The following LRCH1 variants were observed in gnomAD, a reference collection of about 807,000 sequenced individuals.
LRCH1 encodes leucine rich repeats and calponin homology domain containing 1, also known as leucine-rich repeat and calponin homology domain-containing protein 1.
Under a neutral mutation model 94.9 loss-of-function variants are expected in LRCH1, and 23 were observed. The observed-to-expected ratio is 0.24, with a 90% CI of 0.17 to 0.34. The LOEUF (loss-of-function observed/expected upper bound fraction) is 0.34, where lower values mean the gene tolerates loss of function less well. LRCH1 is among the 10% of genes least tolerant of loss of function. The pLI is 1.00. For synonymous variants in LRCH1, 364 were observed against 354.9 expected (o/e 1.03, Z -0.29); for missense variants, 790 against 945.9 (o/e 0.84, Z 2.16).
chr13:46,671,881 G>C (rs190034519), intron 3 of LRCH1, among the ~76,000 whole-genome samples: 2 of 152,294 alleles, frequency 1.3e-5, no homozygotes, highest in Admixed American at 1.3e-4. Context: ...CCCCACCAGA[G>C]TGGTTCATTT....
chr13:46,750,450 C>G (rs1043065990), intron 18 of LRCH1: 3 of 904,186 alleles, frequency 3.3e-6, no homozygotes, highest in Non-Finnish European at 5.3e-6. Flanking sequence ...GAGTATTCAA[C>G]CTAACTTTGA....
intron 1 of LRCH1, among the ~76,000 whole-genome samples, chr13:46,570,704 A>G (rs2050232170): frequency 6.6e-6 from 1 of 152,252 alleles, no homozygotes; most frequent in South Asian, 2.1e-4. Flanking sequence ...CCGGTAGGGA[A>G]GAGTAGTACC....
At chr13:46,601,867 T>C (rs2050632710) in intron 1 of LRCH1, among the ~76,000 whole-genome samples, 1 of 152,190 alleles carries the variant, frequency 6.6e-6, no homozygotes, top group Non-Finnish European at 1.5e-5. Context: ...ACTCTTGATA[T>C]CCAGTGACTG....
downstream of LRCH1, among the ~76,000 whole-genome samples, chr13:46,748,773 T>C (rs188187039): frequency 6.6e-6 from 1 of 152,324 alleles, no homozygotes; most frequent in African/African-American, 2.4e-5. Context: ...AGCAATGACA[T>C]GAAACCATGG....
chr13:46,569,566 A>T (rs1594250488), intron 1 of LRCH1, among the ~76,000 whole-genome samples: 1 of 152,082 alleles, frequency 6.6e-6, no homozygotes, highest in South Asian at 2.1e-4. Flanking sequence ...TTCCTAAATC[A>T]CTGTGATCCT....
chr13:46,602,730 A>C (rs2050641215), intron 1 of LRCH1, among the ~76,000 whole-genome samples: 1 of 152,266 alleles, frequency 6.6e-6, no homozygotes. Context: ...AGTTGGGTGG[A>C]ACACTTGAGC....
intron 3 of LRCH1, among the ~76,000 whole-genome samples, chr13:46,675,121 T>C (rs556082219): frequency 1.3e-5 from 2 of 152,392 alleles, no homozygotes; most frequent in South Asian, 2.1e-4. Context: ...ATTAAAACCT[T>C]GTTAACATAT....
intron 1 of LRCH1, among the ~76,000 whole-genome samples, chr13:46,585,111 T>C (rs747030814): frequency 3.9e-5 from 6 of 152,214 alleles, no homozygotes; most frequent in South Asian, 2.1e-4. Context: ...TGGAAACATT[T>C]CCAGCTTTGA....
chr13:46,637,872 TATTTC>T (rs2051111649), intron 1 of LRCH1, among the ~76,000 whole-genome samples: 1 of 152,266 alleles, frequency 6.6e-6, no homozygotes, highest in Non-Finnish European at 1.5e-5. Flanking sequence ...TGCTTAGAAC[TATTTC>T]TGGCGCATAG....
chr13:46,699,519 C>G (rs903041296), intron 10 of LRCH1, 116 bp downstream of exon 10: 3 of 865,232 alleles, frequency 3.5e-6, no homozygotes, highest in Non-Finnish European at 5.8e-6. Context: ...AGCTGATATT[C>G]TTACAGACAA....
intron 1 of LRCH1, among the ~76,000 whole-genome samples, chr13:46,615,192 T>C (rs930717683): frequency 6.6e-6 from 1 of 152,218 alleles, no homozygotes; most frequent in Non-Finnish European, 1.5e-5. Context: ...TATTGGCTCA[T>C]GGTTCTGCAG....
chr13:46,635,770 C>A (rs1057196674), intron 1 of LRCH1, among the ~76,000 whole-genome samples: 3 of 152,134 alleles, frequency 2.0e-5, no homozygotes, highest in African/African-American at 7.2e-5. Context: ...CGCACCCGGC[C>A]CCCTCCCACC....
chr13:46,554,540 T>C (rs557536690), intron 1 of LRCH1, among the ~76,000 whole-genome samples: 1 of 152,354 alleles, frequency 6.6e-6, no homozygotes, highest in African/African-American at 2.4e-5. Flanking sequence ...GAGCCTGTTT[T>C]CCTGTGTGAG....
intron 3 of LRCH1, among the ~76,000 whole-genome samples, chr13:46,675,050 G>A (rs919910580): frequency 6.6e-6 from 1 of 152,224 alleles, no homozygotes; most frequent in Non-Finnish European, 1.5e-5. Context: ...TTTTGTTACT[G>A]TGGAACCAAG....
rs571441959 is a variant in LRCH1, at chr13:46,577,030, C to T, written c.307+23327C>T. Among the ~76,000 whole-genome samples the T allele has an allele frequency of 2.0e-4, 31 of 152,218 alleles. 2 individuals carry two copies. The South Asian group carries it at 6.2e-3, about 31-fold the overall frequency. ...TTGTGATTGTGGAACTCATGGTGGC[C>T]TTTTTTCTTTCAGGCCAGCAGGAAA... On this transcript the variant is annotated intron_variant, in intron 1 of 19. Coordinates refer to ENST00000389797, the MANE Select transcript of LRCH1 (RefSeq NM_001164211.2).
intron 3 of LRCH1, among the ~76,000 whole-genome samples, chr13:46,674,997 CA>C (rs58144347): frequency 0.067 from 9,993 of 150,074 alleles, 452 homozygotes; most frequent in Middle Eastern, 0.15. Flanking sequence ...GAAAATGTTA[CA>C]AAAAAAAAGG....
intron 10 of LRCH1, among the ~76,000 whole-genome samples, chr13:46,700,586 C>T (rs1246350449): frequency 2.0e-5 from 3 of 152,196 alleles, no homozygotes; most frequent in Non-Finnish European, 4.4e-5. Flanking sequence ...TTATAAAATG[C>T]TGAACTCCTA....
chr13:46,605,946 A>G (rs1594280391), intron 1 of LRCH1, among the ~76,000 whole-genome samples: 1 of 152,198 alleles, frequency 6.6e-6, no homozygotes, highest in East Asian at 1.9e-4. Flanking sequence ...TTCTTTTCTC[A>G]TTAGAGGAAA....
chr13:46,589,593 C>CTTTTTT (rs762747151), intron 1 of LRCH1, among the ~76,000 whole-genome samples: 213 of 77,620 alleles, frequency 2.7e-3, no homozygotes, highest in Middle Eastern at 0.02. Context: ...AGTTCTCTCA[C>CTTTTTT]TTTTTTTTTT....
Sources: gnomAD v4.1 joint callset for allele counts (sites outside exome capture counted in the v4.1 genomes callset) on GRCh38, gnomAD v4.1.1 for gene constraint, MANE v1.5 for transcripts, NCBI Gene and HGNC (gene_info 2026-07-23, HGNC 2026-07-21) for gene names.